Variants in VPS13A observed in about 807,000 individuals in gnomAD.
The protein encoded by VPS13A is vacuolar protein sorting 13 homolog A.
Under a neutral mutation model 390.9 loss-of-function variants are expected in VPS13A, and 264 were observed. That is an observed-to-expected ratio of 0.68 (90% CI 0.61 to 0.75). The LOEUF is 0.75. VPS13A is among the 30% of genes least tolerant of loss of function. The pLI is 0.00. For missense variants in VPS13A, 3,409 were observed against 3,733.9 expected (o/e 0.91, Z 2.27); for synonymous variants, 1,231 against 1,227.1 (o/e 1.00, Z -0.07).
chr9:77,181,472 C>T (rs2131043776), intron 1 of VPS13A, among the ~76,000 whole-genome samples: 1 of 142,168 alleles, frequency 7.0e-6, no homozygotes, highest in East Asian at 2.2e-4. Flanking sequence ...GCTGAGATCA[C>T]ACCATTGCCC....
intron 23 of VPS13A, among the ~76,000 whole-genome samples, chr9:77,269,262 G>A (rs534063091): frequency 1.2e-4 from 18 of 152,090 alleles, no homozygotes; most frequent in African/African-American, 4.3e-4. Context: ...CTTGTGATGG[G>A]ATCCTCTTTC....
At chr9:77,330,737 A>G (rs1201351593) in intron 45 of VPS13A, among the ~76,000 whole-genome samples, 1 of 152,158 alleles carries the variant, frequency 6.6e-6, no homozygotes, top group East Asian at 1.9e-4. Flanking sequence ...CATCCACACC[A>G]TGGAATTTAA....
chr9:77,235,876 T>G (rs1824115595), intron 17 of VPS13A, among the ~76,000 whole-genome samples: 1 of 152,196 alleles, frequency 6.6e-6, no homozygotes, highest in African/African-American at 2.4e-5. Context: ...TTTTTTTGAT[T>G]TTAGAATGGT....
intron 1 of VPS13A, among the ~76,000 whole-genome samples, chr9:77,191,404 C>T (rs1405121280): frequency 1.3e-5 from 2 of 151,744 alleles, no homozygotes; most frequent in Non-Finnish European, 2.9e-5. Context: ...AGCAGTCCTC[C>T]CACCTCTCAG....
At chr9:77,237,545 A>G (rs563729987) in intron 17 of VPS13A, among the ~76,000 whole-genome samples, 2 of 151,922 alleles carry the variant, frequency 1.3e-5, no homozygotes, top group South Asian at 4.2e-4. Context: ...TTGTATTTTT[A>G]GTTGAGACAG....
In VPS13A at chr9:77,189,548, T is replaced by G. The variant is rs1184202194; in HGVS notation, c.101-10397T>G. Among the ~76,000 whole-genome samples the G allele has an allele frequency of 2.0e-5, 3 of 152,152 alleles. No individual in the cohort carries two copies. In the East Asian group the frequency reaches 5.8e-4, roughly 29 times the overall value. On this transcript the variant is annotated intron_variant, in intron 1 of 71. Coordinates refer to ENST00000360280, the MANE Select transcript of VPS13A (RefSeq NM_033305.3). Reference sequence around the variant, plus strand: ...GTCAGGTAGTGTGATGCCTCAGGCTTTATTCTTTTGGTTTAGGGTTGCTTT... The same window carrying G: ...GTCAGGTAGTGTGATGCCTCAGGCTGTATTCTTTTGGTTTAGGGTTGCTTT...
chr9:77,244,502 G>A (rs947689770), intron 19 of VPS13A, among the ~76,000 whole-genome samples: 68 of 152,262 alleles, frequency 4.5e-4, no homozygotes, highest in African/African-American at 1.6e-3. Flanking sequence ...GTTCTGCTGT[G>A]AAACCACCTG....
At chr9:77,303,974 T>C (rs1828550205) in intron 34 of VPS13A, among the ~76,000 whole-genome samples, 1 of 152,100 alleles carries the variant, frequency 6.6e-6, no homozygotes, top group Admixed American at 6.5e-5. Context: ...CTTTCCTCTT[T>C]TACTAATCCA....
intron 22 of VPS13A, among the ~76,000 whole-genome samples, chr9:77,256,625 C>G (rs1465593786): frequency 6.6e-6 from 1 of 152,050 alleles, no homozygotes; most frequent in Non-Finnish European, 1.5e-5. Context: ...TCTGTTTCTT[C>G]TTCTTAATTG....
In VPS13A at chr9:77,318,598, A is replaced by T. The variant is rs751128331; in HGVS notation, c.5313+7A>T. 4 of 1,601,034 alleles carry T rather than the reference A, an allele frequency of 2.5e-6. No individual in the cohort carries two copies. In the East Asian group the frequency reaches 8.9e-5, roughly 36 times the overall value. ...CTGTCAGCTTGAGCTAGAAGTAAGC[A>T]TATTTTTCCAGTTTTATAACAGATA... On this transcript the variant is annotated splice_region_variant and intron_variant, in intron 41 of 71. Transcript: ENST00000360280.
chr9:77,252,232 T>C lies in VPS13A; in HGVS notation c.2171-3T>C. The C allele has an allele frequency of 1.2e-6, 2 of 1,601,082 alleles. No individual in the cohort carries two copies. The highest frequency in any genetic ancestry group is 1.7e-6 in the Non-Finnish European group (2 of 1,168,190). On this transcript the variant is annotated splice_region_variant and splice_polypyrimidine_tract_variant and intron_variant, in intron 21 of 71. Coordinates refer to ENST00000360280, the MANE Select transcript of VPS13A (RefSeq NM_033305.3). Reference sequence around the variant, plus strand: ...TTAAATATGAACTATTTTCTGTACTTAGGTGATAATTGGAGAGAAGCACGA... The same window carrying C: ...TTAAATATGAACTATTTTCTGTACTCAGGTGATAATTGGAGAGAAGCACGA...
At chr9:77,364,689 C>T (rs556414757) in intron 59 of VPS13A, among the ~76,000 whole-genome samples, 153 of 152,262 alleles carry the variant, frequency 1.0e-3, no homozygotes, top group African/African-American at 3.5e-3. Context: ...TAAAACACCA[C>T]GGATTCGCTT....
intron 68 of VPS13A, among the ~76,000 whole-genome samples, chr9:77,398,614 A>G (rs1008909767): frequency 1.3e-5 from 2 of 152,150 alleles, no homozygotes; most frequent in African/African-American, 4.8e-5. Context: ...TGTGACTACA[A>G]CGTGACATTT....
At chr9:77,381,222 C>T (rs1036246644) in intron 67 of VPS13A, among the ~76,000 whole-genome samples, 10 of 152,096 alleles carry the variant, frequency 6.6e-5, no homozygotes, top group Non-Finnish European at 1.3e-4. Flanking sequence ...TCAAACTATC[C>T]TCCCACCTCA....
At chr9:77,279,003 A>G (rs1826857350) in intron 26 of VPS13A, among the ~76,000 whole-genome samples, 1 of 152,192 alleles carries the variant, frequency 6.6e-6, no homozygotes, top group Non-Finnish European at 1.5e-5. Context: ...ATCTAGGGGT[A>G]GGTGTCTACA....
chr9:77,280,278 T>C (rs1318642236), intron 27 of VPS13A, 40 bp downstream of exon 27: 2 of 1,497,282 alleles, frequency 1.3e-6, no homozygotes, highest in Non-Finnish European at 1.9e-6. Context: ...ATGGTAAGTA[T>C]GCTGCTGAAA....
intron 22 of VPS13A, among the ~76,000 whole-genome samples, chr9:77,255,198 A>C (rs1825371523): frequency 6.6e-6 from 1 of 152,060 alleles, no homozygotes; most frequent in African/African-American, 2.4e-5. Context: ...TTTTATTATG[A>C]AAACGTGTTG....
intron 55 of VPS13A, 63 bp from the exon 56 acceptor site, chr9:77,357,629 A>T: frequency 6.4e-7 from 1 of 1,554,468 alleles, no homozygotes; most frequent in African/African-American, 1.4e-5. Context: ...TTTGGCATTA[A>T]TTTCTAATTC....
chr9:77,215,189 T>C (rs1293131880), intron 10 of VPS13A, among the ~76,000 whole-genome samples: 1 of 152,236 alleles, frequency 6.6e-6, no homozygotes, highest in Non-Finnish European at 1.5e-5. Flanking sequence ...TAAGGGCACT[T>C]AATAAAAGTT....
Sources: gnomAD v4.1 joint callset for allele counts (sites outside exome capture counted in the v4.1 genomes callset) on GRCh38, gnomAD v4.1.1 for gene constraint, MANE v1.5 for transcripts, NCBI Gene and HGNC (gene_info 2026-07-23, HGNC 2026-07-21) for gene names.